Variants in SLAMF7 observed in about 807,000 individuals in gnomAD.
SLAMF7 encodes the protein 19A24 protein.
Under a neutral mutation model 34.1 loss-of-function variants are expected in SLAMF7, and 26 were observed. That is an observed-to-expected ratio of 0.76 (90% CI 0.56 to 1.06). The LOEUF (loss-of-function observed/expected upper bound fraction) is 1.06. SLAMF7 is among the 50% of genes least tolerant of loss of function. The pLI, the probability that SLAMF7 is intolerant of heterozygous loss-of-function variation, is 0.00. For synonymous variants in SLAMF7, 171 were observed against 156.4 expected (o/e 1.09, Z -0.70); for missense variants, 399 against 402.5 (o/e 0.99, Z 0.07).
In SLAMF7 at chr1:160,750,307, C is replaced by G. The variant is rs143477393; in HGVS notation, c.653C>G (p.Ala218Gly). ...PILARKLCEG[A>G]ADDPDSSMVL... is the part of the protein sequence containing the mutation. ...TGCCTCCACCCATTCTCTGAAGGTG[C>G]TGCTGATGACCCAGATTCCTCCATG... is the stretch of plus-strand genomic sequence containing the variant. The change falls in exon 4 of 7, where the codon GCT (alanine) becomes GGT (glycine). Residue 218 changes from alanine (A) to glycine (G), a missense_variant. Transcript: ENST00000368043. 1 of 1,613,900 alleles carries G rather than the reference C, an allele frequency of 6.2e-7. No individual in the cohort carries two copies. The highest frequency in any genetic ancestry group is 1.1e-5 in the South Asian group (1 of 91,048).
Position 160,750,036 on chromosome 1 carries a change from A to T in SLAMF7, c.592A>T (p.Arg198Trp), listed in dbSNP as rs773463016. Residue 198 changes from arginine (R) to tryptophan (W), a missense_variant, in exon 3 of 7, where the codon AGG becomes TGG. Physicochemically the swap from Arg to Trp is moderately radical, Grantham distance 101 (BLOSUM62 -3). Coordinates refer to ENST00000368043, the MANE Select transcript of SLAMF7 (RefSeq NM_021181.5). ...ESDMTFICVA[R>W]NPVSRNFSSP... ...TGATATGACCTTCATCTGCGTTGCCAGGAACCCTGTCAGCAGAAACTTCTC... is the reference window on the plus strand; with the variant it reads ...TGATATGACCTTCATCTGCGTTGCCTGGAACCCTGTCAGCAGAAACTTCTC... The T allele has an allele frequency of 3.1e-6, 5 of 1,614,140 alleles. No homozygotes were observed. The highest frequency in any genetic ancestry group is 4.2e-6 in the Non-Finnish European group (5 of 1,179,980).
chr1:160,739,912 A>G lies in SLAMF7; in HGVS notation c.55+556A>G, dbSNP rs201274778. Among the ~76,000 whole-genome samples, 23 of 152,290 alleles carry G rather than the reference A, an allele frequency of 1.5e-4. No individual in the cohort carries two copies. The East Asian group carries it at 4.2e-3, about 28-fold the overall frequency. ...CCATAGGCACTTTATGTTTAATCCC[A>G]TGGAGGACAGAGGACAGTTCTCCAC... On this transcript the variant is annotated intron_variant, in intron 1 of 6. Transcript: ENST00000368043.
chr1:160,754,096 C>CG lies in SLAMF7; in HGVS notation c.*925dup. The CG allele has an allele frequency of 6.6e-6, 1 of 152,574 alleles. No individual in the cohort carries two copies. The allele number at this position is 152,574 out of a possible 1,614,324, so 9.5% of individuals were successfully genotyped here. On this transcript the variant is annotated 3_prime_UTR_variant, in exon 7 of 7. Coordinates refer to ENST00000368043, the MANE Select transcript of SLAMF7 (RefSeq NM_021181.5). Reference sequence around the variant, plus strand: ...GTCAGGCAGTGAGACTGGTGGGGCACGGGGGGCAGTGGGTACTTGTAAACC... The same window carrying CG: ...GTCAGGCAGTGAGACTGGTGGGGCACGGGGGGGCAGTGGGTACTTGTAAACC...
chr1:160,746,819 C>T (rs1480375759), intron 1 of SLAMF7, among the ~76,000 whole-genome samples: 2 of 152,044 alleles, frequency 1.3e-5, no homozygotes, highest in African/African-American at 4.8e-5. Flanking sequence ...AGAGGTGTTA[C>T]TAGTAACCAT....
At chr1:160,739,844 C>T (rs1663585955) in intron 1 of SLAMF7, 1 of 155,180 alleles carries the variant, frequency 6.4e-6, no homozygotes, top group African/African-American at 2.4e-5. Flanking sequence ...TCTTTCCTTA[C>T]TCAAGCAATG....
At chr1:160,740,581 A>G (rs1558051357) in intron 1 of SLAMF7, among the ~76,000 whole-genome samples, 1 of 152,194 alleles carries the variant, frequency 6.6e-6, no homozygotes, top group Non-Finnish European at 1.5e-5. Flanking sequence ...GGACAAGCGC[A>G]TCCTTGGTTT....
At chr1:160,743,877 C>A (rs753850920) in intron 1 of SLAMF7, among the ~76,000 whole-genome samples, 6 of 152,160 alleles carry the variant, frequency 3.9e-5, no homozygotes, top group Admixed American at 1.3e-4. Flanking sequence ...TTTGTAAAGA[C>A]AAGGTCTGGC....
In SLAMF7 at chr1:160,752,008, C is replaced by T. The variant is rs950311755; in HGVS notation, c.874-178C>T. 7.7e-6 allele frequency: 4 copies of T among 520,180 alleles called. No individual in the cohort carries two copies. The African/African-American group carries it at 7.8e-5, about 10-fold the overall frequency. The allele number at this position is 520,180 out of a possible 1,614,324, so 32.2% of individuals were successfully genotyped here. On this transcript the variant is annotated intron_variant, in intron 5 of 6. Transcript: ENST00000368043. ...AAGTTATCAAAATTTATTATAATAG[C>T]AGTCACCAACAAGAGAACTTCCTAC...
intron 1 of SLAMF7, among the ~76,000 whole-genome samples, chr1:160,740,065 C>T (rs1048963209): frequency 1.3e-5 from 2 of 152,068 alleles, no homozygotes; most frequent in Non-Finnish European, 2.9e-5. Context: ...TGAGGTCCCC[C>T]TATAAGGACT....
chr1:160,753,014 G>T lies in SLAMF7; in HGVS notation c.937-92G>T. ...CAGCCGATTTGGGTTGGGTAACCTT[G>T]GAAATAAAGTTTCCTGGATGTCAGG... is the stretch of plus-strand genomic sequence containing the variant. On this transcript the variant is annotated intron_variant, in intron 6 of 6. Coordinates refer to ENST00000368043, the MANE Select transcript of SLAMF7 (RefSeq NM_021181.5). 8 of 1,225,304 alleles carry T rather than the reference G, an allele frequency of 6.5e-6. No individual in the cohort carries two copies. In the South Asian group the frequency reaches 7.4e-5, roughly 11 times the overall value. 75.9% of individuals were successfully genotyped at this position (1,225,304 alleles called of 1,614,324 possible).
chr1:160,749,744 C>A, intron 2 of SLAMF7, 77 bp from the exon 3 acceptor site: 1 of 1,328,660 alleles, frequency 7.5e-7, no homozygotes, highest in Non-Finnish European at 1.0e-6. Context: ...GATTCAGGTC[C>A]AAGGTATCCA....
chr1:160,739,386 C>G (rs1663551705), intron 1 of SLAMF7, 30 bp downstream of exon 1: 2 of 1,593,778 alleles, frequency 1.3e-6, no homozygotes, highest in African/African-American at 1.3e-5. Flanking sequence ...CTTCCACTCT[C>G]CTGTCTACCC....
chr1:160,746,869 T>C (rs552699305), intron 1 of SLAMF7, among the ~76,000 whole-genome samples: 4 of 152,316 alleles, frequency 2.6e-5, no homozygotes, highest in Non-Finnish European at 4.4e-5. Context: ...ACAGTAGCTA[T>C]ACATGCTTCT....
intron 6 of SLAMF7, among the ~76,000 whole-genome samples, chr1:160,752,675 T>C (rs1002870448): frequency 2.6e-5 from 4 of 152,174 alleles, no homozygotes; most frequent in Admixed American, 6.5e-5. Context: ...CTATGTTACA[T>C]CTGCTTTGCA....
chr1:160,744,105 G>A (rs914924058), intron 1 of SLAMF7, among the ~76,000 whole-genome samples: 6 of 152,122 alleles, frequency 3.9e-5, no homozygotes, highest in African/African-American at 1.4e-4. Context: ...TAAACAATGA[G>A]AACTAAATAA....
At position 160,748,193 on chromosome 1, in the gene SLAMF7, G is replaced by C. The variant is rs1363113139; in HGVS notation, c.56-1G>C. 1.9e-6 allele frequency: 3 copies of C among 1,613,100 alleles called. No homozygotes were observed. The African/African-American group carries it at 4.0e-5, about 22-fold the overall frequency. The stretch of plus-strand genomic sequence containing the variant: ...TATTTTATGGTTCTCTGTGTTTATA[G>C]GGTCAGCAGCCTCTGGACCCGTGAA... On this transcript the variant is annotated splice_acceptor_variant, in intron 1 of 6. Coordinates refer to ENST00000368043, the MANE Select transcript of SLAMF7 (RefSeq NM_021181.5). LOFTEE classifies it high-confidence loss of function.
intron 2 of SLAMF7, among the ~76,000 whole-genome samples, chr1:160,749,486 G>C (rs1260010494): frequency 6.6e-6 from 1 of 152,212 alleles, no homozygotes; most frequent in African/African-American, 2.4e-5. Context: ...AGAGACTAGG[G>C]AACCTCTAGA....
chr1:160,752,226 C>G lies in SLAMF7; in HGVS notation c.914C>G (p.Ser305Cys), dbSNP rs767632168. ...LKEDPANTVY[S>C]TVEIPKKMEN... ...GAAGATCCAGCAAATACGGTTTACT[C>G]CACTGTGGAAATACCGAAAAAGGTA... Residue 305 changes from serine (S) to cysteine (C), a missense_variant, in exon 6 of 7, where the codon TCC becomes TGC. Physicochemically the swap from Ser to Cys is moderately radical, Grantham distance 112 (BLOSUM62 -1). Transcript: ENST00000368043. 3.7e-6 allele frequency: 6 copies of G among 1,613,188 alleles called. No individual in the cohort carries two copies. The highest frequency in any genetic ancestry group is 1.1e-5 in the South Asian group (1 of 91,008).
At chr1:160,746,854 C>T (rs762881155) in intron 1 of SLAMF7, among the ~76,000 whole-genome samples, 3 of 151,924 alleles carry the variant, frequency 2.0e-5, no homozygotes, top group Non-Finnish European at 4.4e-5. Flanking sequence ...TCTGGGTGGA[C>T]GTGCACAGTA....
Sources: allele counts gnomAD v4.1 joint callset (sites outside exome capture counted in the v4.1 genomes callset), GRCh38; gene constraint gnomAD v4.1.1; transcripts MANE v1.5; gene names NCBI Gene and HGNC (gene_info 2026-07-23, HGNC 2026-07-21).